KCNJ3: variants seen among roughly 807,000 people sequenced by gnomAD.
KCNJ3 encodes the protein potassium inwardly rectifying channel subfamily J member 3, also known as G protein-activated inward rectifier potassium channel 1.
Under a neutral mutation model 39.2 loss-of-function variants are expected in KCNJ3, and 4 were observed. The observed-to-expected ratio is 0.10, with a 90% CI of 0.05 to 0.23. The LOEUF (loss-of-function observed/expected upper bound fraction) is 0.23, where lower values mean the gene tolerates loss of function less well. Among genes scored for constraint, KCNJ3 ranks in the 10% least tolerant of loss-of-function variants. KCNJ3 has a pLI of 1.00. For missense variants in KCNJ3, 276 were observed against 634.9 expected, an observed-to-expected ratio of 0.43 and a Z score of 6.08; for synonymous variants, 230 against 237.4, an observed-to-expected ratio of 0.97 and a Z score of 0.29.
chr2:154,816,029 CT>C (rs985188299), intron 2 of KCNJ3, among the ~76,000 whole-genome samples: 23 of 152,226 alleles, frequency 1.5e-4, no homozygotes, highest in Admixed American at 1.5e-3. Flanking sequence ...TGCTTGCTTA[CT>C]TTTTTTCTCT....
chr2:154,819,095 G>T (rs903955917), intron 2 of KCNJ3, among the ~76,000 whole-genome samples: 1 of 151,656 alleles, frequency 6.6e-6, no homozygotes, highest in Non-Finnish European at 1.5e-5. Flanking sequence ...CTAAGAGTTC[G>T]AGACCAGCCT....
Position 154,764,695 on chromosome 2 carries a change from T to C in KCNJ3, c.919+54876T>C, listed in dbSNP as rs530356733. On this transcript the variant is annotated intron_variant, in intron 2 of 2. Coordinates refer to ENST00000295101, the MANE Select transcript of KCNJ3 (RefSeq NM_002239.4). ...ATGCACTAGCCCTAACAATAGCTGA[T>C]AATCTAATTAAAAAAAAAGATCTGG... Among the ~76,000 whole-genome samples, 13 of 123,000 alleles carry C rather than the reference T, an allele frequency of 1.1e-4. No homozygotes were observed. The South Asian group carries it at 4.0e-3, about 38-fold the overall frequency. 80.7% of individuals were successfully genotyped at this position (123,000 alleles called of 152,430 possible). A position where few individuals can be genotyped will look rare whatever the true frequency, so the allele number is the denominator to read the frequency against.
chr2:154,730,379 C>A (rs968815377), intron 2 of KCNJ3, among the ~76,000 whole-genome samples: 23 of 152,002 alleles, frequency 1.5e-4, no homozygotes, highest in African/African-American at 5.6e-4. Context: ...AATCCTTGCT[C>A]AGCCAAGTTT....
intron 1 of KCNJ3, among the ~76,000 whole-genome samples, chr2:154,707,722 CA>C (rs57468304): frequency 0.022 from 3,381 of 152,146 alleles, 114 homozygotes; most frequent in East Asian, 0.15. Context: ...GAATGGTCAG[CA>C]AAAAGACCCA....
At chr2:154,730,019 C>T (rs905377903) in intron 2 of KCNJ3, among the ~76,000 whole-genome samples, 26 of 152,088 alleles carry the variant, frequency 1.7e-4, no homozygotes, top group African/African-American at 5.5e-4. Flanking sequence ...ACTTGCTTTT[C>T]CTAGTTGGGT....
intron 2 of KCNJ3, among the ~76,000 whole-genome samples, chr2:154,784,318 A>G (rs945352717): frequency 6.6e-6 from 1 of 152,248 alleles, no homozygotes. Context: ...AAAAGTGGAC[A>G]TGACTTTTGT....
At chr2:154,734,342 G>C (rs1371065363) in intron 2 of KCNJ3, among the ~76,000 whole-genome samples, 3 of 152,090 alleles carry the variant, frequency 2.0e-5, no homozygotes, top group Non-Finnish European at 4.4e-5. Context: ...CTTGCTGGAG[G>C]GTAGCACCTC....
At chr2:154,844,254 TG>T (rs1040763296) in intron 2 of KCNJ3, among the ~76,000 whole-genome samples, 2 of 152,210 alleles carry the variant, frequency 1.3e-5, no homozygotes, top group Admixed American at 1.3e-4. Context: ...AGACCCTGTT[TG>T]CCTGGGTGTC....
chr2:154,842,644 T>G (rs991556170), intron 2 of KCNJ3, among the ~76,000 whole-genome samples: 2 of 152,210 alleles, frequency 1.3e-5, no homozygotes, highest in Non-Finnish European at 2.9e-5. Flanking sequence ...TGCATATATA[T>G]TTAGGATAGT....
At chr2:154,749,552 T>C (rs1419122640) in intron 2 of KCNJ3, among the ~76,000 whole-genome samples, 1 of 152,066 alleles carries the variant, frequency 6.6e-6, no homozygotes, top group African/African-American at 2.4e-5. Flanking sequence ...ATGTAGCCCA[T>C]GTCAGAGGGC....
intron 1 of KCNJ3, among the ~76,000 whole-genome samples, chr2:154,701,050 T>C (rs1300620648): frequency 1.3e-5 from 2 of 152,174 alleles, no homozygotes; most frequent in Admixed American, 1.3e-4. Flanking sequence ...TATTGACCGC[T>C]GTTTGAACCA....
At chr2:154,730,210 C>T (rs1407645533) in intron 2 of KCNJ3, among the ~76,000 whole-genome samples, 1 of 152,034 alleles carries the variant, frequency 6.6e-6, no homozygotes, top group Admixed American at 6.6e-5. Flanking sequence ...ATTATCTCTC[C>T]ATTGCATTGG....
chr2:154,814,337 G>A (rs553527686), intron 2 of KCNJ3, among the ~76,000 whole-genome samples: 1 of 152,006 alleles, frequency 6.6e-6, no homozygotes, highest in Non-Finnish European at 1.5e-5. Flanking sequence ...TATGTATCAG[G>A]TATAAAATGA....
chr2:154,782,679 C>G (rs925381068), intron 2 of KCNJ3, among the ~76,000 whole-genome samples: 2 of 152,066 alleles, frequency 1.3e-5, no homozygotes, highest in African/African-American at 2.4e-5. Context: ...AAAGTGTTCT[C>G]TCTGTGAAAA....
At chr2:154,788,205 A>G (rs747297043) in intron 2 of KCNJ3, among the ~76,000 whole-genome samples, 6 of 152,200 alleles carry the variant, frequency 3.9e-5, no homozygotes, top group Non-Finnish European at 8.8e-5. Flanking sequence ...TTATTGCTAT[A>G]TAAGGTAAAT....
chr2:154,750,137 T>A (rs765138668), intron 2 of KCNJ3, among the ~76,000 whole-genome samples: 1 of 151,998 alleles, frequency 6.6e-6, no homozygotes, highest in Non-Finnish European at 1.5e-5. Context: ...TTTCTCCTAT[T>A]GAACAATATT....
At chr2:154,818,878 A>C (rs1687122768) in intron 2 of KCNJ3, among the ~76,000 whole-genome samples, 1 of 149,074 alleles carries the variant, frequency 6.7e-6, no homozygotes, top group Admixed American at 6.7e-5. Flanking sequence ...AGCTAAACAT[A>C]ATAGAAATCC....
At chr2:154,781,758 G>T (rs950032989) in intron 2 of KCNJ3, among the ~76,000 whole-genome samples, 13 of 152,118 alleles carry the variant, frequency 8.5e-5, no homozygotes, top group Non-Finnish European at 1.9e-4. Context: ...TAATTTATTT[G>T]CAATAGGTAC....
chr2:154,839,896 C>G (rs1166329149), intron 2 of KCNJ3, among the ~76,000 whole-genome samples: 1 of 152,240 alleles, frequency 6.6e-6, no homozygotes, highest in East Asian at 1.9e-4. Flanking sequence ...TGCCTGTTCA[C>G]TCTGATGGTC....
Sources: gnomAD v4.1 joint callset for allele counts (sites outside exome capture counted in the v4.1 genomes callset) on GRCh38, gnomAD v4.1.1 for gene constraint, MANE v1.5 for transcripts, NCBI Gene and HGNC (gene_info 2026-07-23, HGNC 2026-07-21) for gene names.